Variants in KIAA1328 observed in about 807,000 individuals in gnomAD.
The protein encoded by KIAA1328 is protein hinderin.
KIAA1328 carries 52 observed loss-of-function variants against 68.1 expected under a neutral mutation model. The ratio of observed to expected loss-of-function variants is 0.76; its 90% CI spans 0.61 to 0.96. The LOEUF (loss-of-function observed/expected upper bound fraction) is 0.96, where lower values mean the gene tolerates loss of function less well. Among genes scored for constraint, KIAA1328 ranks in the 40% least tolerant of loss-of-function variants. The pLI is 0.00. For synonymous variants in KIAA1328, 232 were observed against 239.4 expected (o/e 0.97, Z 0.28); for missense variants, 641 against 677.6 (o/e 0.95, Z 0.60).
chr18:37,065,765 A>C (rs536745282), intron 6 of KIAA1328, among the ~76,000 whole-genome samples: 85 of 152,334 alleles, frequency 5.6e-4, no homozygotes, highest in African/African-American at 2.0e-3. Flanking sequence ...TGCTCATTTG[A>C]AACACATGCA....
At chr18:37,030,731 G>A (rs1005699610) in intron 6 of KIAA1328, among the ~76,000 whole-genome samples, 5 of 151,896 alleles carry the variant, frequency 3.3e-5, no homozygotes, top group Admixed American at 6.6e-5. Context: ...TGTGCACAAC[G>A]TGCAGGTTTG....
intron 7 of KIAA1328, among the ~76,000 whole-genome samples, chr18:37,104,552 C>T (rs746369414): frequency 1.2e-4 from 18 of 152,094 alleles, no homozygotes; most frequent in Admixed American, 1.0e-3. Flanking sequence ...GGTACAAACA[C>T]ACAGATGGAA....
chr18:36,866,707 A>T (rs2047764703), intron 4 of KIAA1328, among the ~76,000 whole-genome samples: 1 of 152,192 alleles, frequency 6.6e-6, no homozygotes, highest in South Asian at 2.1e-4. Context: ...ATAAAAAAGT[A>T]TTAATAGAGA....
At chr18:36,834,250 A>G in intron 1 of KIAA1328, 70 bp from the exon 2 acceptor site, 1 of 1,389,888 alleles carries the variant, frequency 7.2e-7, no homozygotes, top group East Asian at 2.7e-5. Context: ...TATAAGAGGT[A>G]TACAGAACAG....
At chr18:37,138,670 A>G (rs1599397135) in intron 7 of KIAA1328, among the ~76,000 whole-genome samples, 1 of 151,956 alleles carries the variant, frequency 6.6e-6, no homozygotes, top group Non-Finnish European at 1.5e-5. Context: ...TGTTTTTGTT[A>G]CCTGCTTCAT....
intron 6 of KIAA1328, among the ~76,000 whole-genome samples, chr18:36,970,599 A>G (rs2052156538): frequency 2.0e-5 from 3 of 152,244 alleles, no homozygotes. Flanking sequence ...AAGCAACTTC[A>G]GCAAAGTCTC....
At chr18:36,972,388 G>T (rs2052262358) in intron 6 of KIAA1328, among the ~76,000 whole-genome samples, 1 of 152,046 alleles carries the variant, frequency 6.6e-6, no homozygotes, top group South Asian at 2.1e-4. Context: ...TTCAACAGTG[G>T]ATCACACTAT....
intron 6 of KIAA1328, among the ~76,000 whole-genome samples, chr18:36,972,397 A>G (rs1267904207): frequency 6.6e-6 from 1 of 152,208 alleles, no homozygotes; most frequent in Non-Finnish European, 1.5e-5. Context: ...GGATCACACT[A>G]TATAATTTAC....
chr18:36,984,006 T>C (rs1322934672), intron 6 of KIAA1328, among the ~76,000 whole-genome samples: 2 of 152,168 alleles, frequency 1.3e-5, no homozygotes, highest in African/African-American at 4.8e-5. Context: ...AGAGTGACCA[T>C]ATATTCATCT....
chr18:36,974,547 T>C (rs2052384414), intron 6 of KIAA1328, among the ~76,000 whole-genome samples: 1 of 152,224 alleles, frequency 6.6e-6, no homozygotes, highest in South Asian at 2.1e-4. Context: ...TAATCATCCA[T>C]TGATAGACAT....
At chr18:37,023,325 C>T (rs1385177848) in intron 6 of KIAA1328, among the ~76,000 whole-genome samples, 1 of 152,190 alleles carries the variant, frequency 6.6e-6, no homozygotes, top group Non-Finnish European at 1.5e-5. Context: ...AGCGATGCTC[C>T]CACCTCAGCC....
intron 6 of KIAA1328, among the ~76,000 whole-genome samples, chr18:37,056,976 GAACTT>G (rs2055935253): frequency 6.6e-6 from 1 of 152,088 alleles, no homozygotes; most frequent in Non-Finnish European, 1.5e-5. Flanking sequence ...CTACCACTGT[GAACTT>G]AACTTTTTTA....
chr18:36,844,793 A>C lies in KIAA1328; in HGVS notation c.332+491A>C, dbSNP rs539533281. Among the ~76,000 whole-genome samples, 262 of 151,980 alleles carry C rather than the reference A, an allele frequency of 1.7e-3. 2 individuals are homozygous for C. Among genetic ancestry groups the C allele is most frequent in the Non-Finnish European group, 2.5e-3 (171 of 67,788 alleles). ...TTCCAGTTTATTAGTGATGTATATG[A>C]GGCTCATCTACTTTGTATGTGTAAT... On this transcript the variant is annotated intron_variant, in intron 4 of 9. Coordinates refer to ENST00000280020, the MANE Select transcript of KIAA1328 (RefSeq NM_020776.3).
chr18:37,183,955 GC>G (rs2032200521), intron 9 of KIAA1328, among the ~76,000 whole-genome samples: 1 of 152,020 alleles, frequency 6.6e-6, no homozygotes. Context: ...TTCCTCTCCT[GC>G]CCCACAAAGG....
At chr18:37,149,687 A>G (rs1227497556) in intron 7 of KIAA1328, among the ~76,000 whole-genome samples, 1 of 152,182 alleles carries the variant, frequency 6.6e-6, no homozygotes, top group Non-Finnish European at 1.5e-5. Context: ...CCACTGTCAT[A>G]TATTTGGTCA....
At chr18:36,923,811 A>G (rs1368109046) in intron 5 of KIAA1328, 1 of 152,234 alleles carries the variant, frequency 6.6e-6, no homozygotes, top group Non-Finnish European at 1.5e-5. Context: ...TCATTTACCT[A>G]CATGTGACTG....
chr18:36,846,210 C>T (rs1391797202), intron 4 of KIAA1328, among the ~76,000 whole-genome samples: 6 of 151,554 alleles, frequency 4.0e-5, no homozygotes, highest in African/African-American at 1.4e-4. Flanking sequence ...GCAGTGGCAA[C>T]AAAACATTCC....
At chr18:37,112,820 T>G (rs2057975073) in intron 7 of KIAA1328, among the ~76,000 whole-genome samples, 1 of 152,144 alleles carries the variant, frequency 6.6e-6, no homozygotes, top group African/African-American at 2.4e-5. Context: ...TTAAGTGACC[T>G]GATGGAGCTG....
chr18:37,080,973 C>A (rs1466530919), intron 7 of KIAA1328, among the ~76,000 whole-genome samples: 1 of 151,264 alleles, frequency 6.6e-6, no homozygotes, highest in Non-Finnish European at 1.5e-5. Context: ...TCAAGACATA[C>A]ATTGATTGAT....
Sources: gnomAD v4.1 joint callset for allele counts (sites outside exome capture counted in the v4.1 genomes callset) on GRCh38, gnomAD v4.1.1 for gene constraint, MANE v1.5 for transcripts, NCBI Gene and HGNC (gene_info 2026-07-23, HGNC 2026-07-21) for gene names.